Variants in CBARP observed in about 807,000 individuals in gnomAD.
The protein encoded by CBARP is voltage-dependent calcium channel beta subunit-associated regulatory protein.
Under a neutral mutation model 36.3 loss-of-function variants are expected in CBARP, and 24 were observed. The ratio of observed to expected loss-of-function variants is 0.66; its 90% CI spans 0.48 to 0.93. The LOEUF (loss-of-function observed/expected upper bound fraction) is 0.93. Among genes scored for constraint, CBARP ranks in the 40% least tolerant of loss-of-function variants. The pLI, the probability that CBARP is intolerant of heterozygous loss-of-function variation, is 0.00. For missense variants in CBARP, 1,146 were observed against 980.4 expected (o/e 1.17, Z -2.26); for synonymous variants, 586 against 453.2 (o/e 1.29, Z -3.72).
chr19:1,235,627 G>A (rs1041476013), intron 3 of CBARP, 62 bp from the exon 4 acceptor site: 90 of 1,584,688 alleles, frequency 5.7e-5, no homozygotes, highest in Middle Eastern at 1.7e-4. Context: ...AGTGGGTCTC[G>A]GCTCTTTGCC....
In CBARP at chr19:1,234,648, A is replaced by G; in HGVS notation, c.550T>C (p.Cys184Arg). The G allele has an allele frequency of 6.2e-7, 1 of 1,611,416 alleles. No individual in the cohort carries two copies. The highest frequency in any genetic ancestry group is 1.1e-5 in the South Asian group (1 of 90,376). Reference sequence around the variant, plus strand: ...GCTGAGCTGGCCTCGCCTGAGTCACACTCGTGGATGGTGACAATCTTGAGG... The same window carrying G: ...GCTGAGCTGGCCTCGCCTGAGTCACGCTCGTGGATGGTGACAATCTTGAGG... ...PPLKIVTIHECDSGEASSATT... is the reference protein window; with the variant it reads ...PPLKIVTIHERDSGEASSATT... Residue 184 changes from cysteine to arginine, a missense_variant, in exon 6 of 10, where the codon TGT becomes CGT. Cys to Arg is a radical substitution (Grantham distance 180). Coordinates refer to ENST00000650044, the MANE Select transcript of CBARP (RefSeq NM_001393918.1).
intron 1 of CBARP, among the ~76,000 whole-genome samples, chr19:1,236,732 G>A (rs953016023): frequency 2.6e-5 from 4 of 151,794 alleles, no homozygotes; most frequent in Admixed American, 6.6e-5. Flanking sequence ...AAGGGACAAA[G>A]AAGGCGCATC....
chr19:1,230,328 A>G (rs1358505803), intron 9 of CBARP, 186 bp from the exon 10 acceptor site: 1 of 986,348 alleles, frequency 1.0e-6, no homozygotes, highest in Non-Finnish European at 1.2e-6. Flanking sequence ...ATTGACCCTG[A>G]GCTGTGGCGC....
Position 1,234,212 on chromosome 19 carries a change from G to A in CBARP, c.747C>T (p.Ser249=), listed in dbSNP as rs750354718. 3.3e-6 allele frequency: 5 copies of A among 1,522,064 alleles called. No individual in the cohort carries two copies. Among genetic ancestry groups the A allele is most frequent in the East Asian group, 2.4e-5 (1 of 41,734 alleles). The allele number at this position is 1,522,064 out of a possible 1,614,324, so 94.3% of individuals were successfully genotyped here. A position where few individuals can be genotyped will look rare whatever the true frequency, so the allele number is the denominator to read the frequency against. ...TCACCGAGGTGCCTTCCCCAGAGTCGCTAGATGCCGAGGGGCTGATCTCTG... is the reference window on the plus strand; with the variant it reads ...TCACCGAGGTGCCTTCCCCAGAGTCACTAGATGCCGAGGGGCTGATCTCTG... ...DFAEISPSAS[S]DSGEGTSLDA... The change falls in exon 7 of 10, where the codon AGC becomes AGT. Residue 249 remains serine, a synonymous_variant. Transcript: ENST00000650044.
chr19:1,235,125 C>T lies in CBARP; in HGVS notation c.331G>A (p.Asp111Asn). The T allele has an allele frequency of 1.9e-6, 3 of 1,595,718 alleles. No individual in the cohort carries two copies. Among genetic ancestry groups the T allele is most frequent in the South Asian group, 1.1e-5 (1 of 88,592 alleles). The change falls in exon 5 of 10, where the codon GAC (aspartate) becomes AAC (asparagine). Residue 111 changes from aspartate (D) to asparagine (N), a missense_variant. Physicochemically the swap from Asp to Asn is conservative, Grantham distance 23 (BLOSUM62 1). Coordinates refer to ENST00000650044, the MANE Select transcript of CBARP (RefSeq NM_001393918.1). Reference protein sequence around the residue: ...PAQDPDFRGEDPECQDAETER... With the variant: ...PAQDPDFRGENPECQDAETER... ...GTCTCCGCATCCTGGCACTCGGGGT[C>T]CTCTCCCCGGAAGTCGGGGTCTGCG...
rs935462074 is a variant in CBARP, at chr19:1,229,027, G to A, written c.*152C>T. On this transcript the variant is annotated 3_prime_UTR_variant, in exon 10 of 10. Coordinates refer to ENST00000650044, the MANE Select transcript of CBARP (RefSeq NM_001393918.1). The surrounding 1 kb of genome is among the most constrained non-coding windows in gnomAD (Gnocchi z 5.1). ...GGCTCTGCGCCTGCGCCCTGAAGCG[G>A]CGAGCGCGCCTCCGTCGCCCGGCGC... 6.0e-6 allele frequency: 1 copy of A among 166,136 alleles called. No homozygotes were observed. The highest frequency in any genetic ancestry group is 2.4e-5 in the African/African-American group (1 of 41,258). 10.3% of individuals were successfully genotyped at this position (166,136 alleles called of 1,614,324 possible).
chr19:1,235,359 CAG>C (rs1451855270), intron 4 of CBARP, 140 bp downstream of exon 4: 8 of 1,119,144 alleles, frequency 7.1e-6, no homozygotes, highest in South Asian at 1.7e-5. Context: ...GTTAAGGAAA[CAG>C]AGATGAGTCG....
At chr19:1,236,201 T>C in intron 1 of CBARP, 80 bp from the exon 2 acceptor site, 1 of 1,343,298 alleles carries the variant, frequency 7.4e-7, no homozygotes, top group Non-Finnish European at 9.5e-7. Flanking sequence ...GGGTCTTCCC[T>C]GCAGGAGCAG....
rs1007112777 is a variant in CBARP at position 1,229,405 on chromosome 19, A to T, written c.1892T>A (p.Leu631Gln). The change falls in exon 10 of 10, where the codon CTG (leucine) becomes CAG (glutamine). Residue 631 changes from leucine to glutamine, a missense_variant. Leu to Gln is a moderately radical substitution (Grantham distance 113). Transcript: ENST00000650044. This position sits in a 1 kb window ranked among gnomAD's most constrained non-coding sequence, Gnocchi z 5.1. Reference sequence around the variant, plus strand: ...GGCGGGGTCGTCGCCGGCGCCGCCCAGGGTGCGACCGTCGGGCGGGCCGTC... The same window carrying T: ...GGCGGGGTCGTCGCCGGCGCCGCCCTGGGTGCGACCGTCGGGCGGGCCGTC... ...SVDGPPDGRT[L>Q]GGAGDDPAIP... 2.1e-5 allele frequency: 22 copies of T among 1,053,244 alleles called. No individual in the cohort carries two copies. The highest frequency in any genetic ancestry group is 2.5e-5 in the Non-Finnish European group (22 of 866,098). 65.2% of individuals were successfully genotyped at this position (1,053,244 alleles called of 1,614,324 possible). A position where few individuals can be genotyped will look rare whatever the true frequency, so the allele number is the denominator to read the frequency against.
intron 1 of CBARP, 89 bp from the exon 2 acceptor site, chr19:1,236,210 A>AGGAGCC: frequency 1.5e-6 from 2 of 1,338,604 alleles, no homozygotes; most frequent in Non-Finnish European, 1.9e-6. Context: ...CTGCAGGAGC[A>AGGAGCC]GGAGCCCACA....
intron 8 of CBARP, 114 bp from the exon 9 acceptor site, chr19:1,231,389 CCA>C: frequency 7.2e-7 from 1 of 1,383,690 alleles, no homozygotes; most frequent in Non-Finnish European, 9.5e-7. Flanking sequence ...TGCCCCCCCG[CCA>C]CACACAACGC....
chr19:1,229,317 T>C lies in CBARP; in HGVS notation c.1980A>G (p.Leu660=). The change falls in exon 10 of 10, where the codon CTA becomes CTG. Residue 660 remains leucine (L), a synonymous_variant. Coordinates refer to ENST00000650044, the MANE Select transcript of CBARP (RefSeq NM_001393918.1). The surrounding 1 kb of genome is among the most constrained non-coding windows in gnomAD (Gnocchi z 5.1). The part of the protein sequence containing the change: ...GGCPGSGLCV[L]PSGSVLDKLA... ...GCTTGTCCAGCACCGACCCGGATGG[T>C]AGGACGCACAGGCCCGAGCCGGGGC... 8.0e-7 allele frequency: 1 copy of C among 1,250,612 alleles called. No homozygotes were observed. Among genetic ancestry groups the C allele is most frequent in the Non-Finnish European group, 1.0e-6 (1 of 973,880 alleles). The allele number at this position is 1,250,612 out of a possible 1,614,324, so 77.5% of individuals were successfully genotyped here. A position where few individuals can be genotyped will look rare whatever the true frequency, so the allele number is the denominator to read the frequency against.
upstream of CBARP, chr19:1,238,262 G>GC (rs2081003229): frequency 6.6e-6 from 1 of 152,314 alleles, no homozygotes; most frequent in Non-Finnish European, 1.5e-5. Flanking sequence ...GGGGTCCGGG[G>GC]GGGCACGGAC....
chr19:1,230,045 C>A lies in CBARP; in HGVS notation c.1252G>T (p.Glu418Ter). The change falls in exon 10 of 10, where the codon GAG (glutamate) becomes TAG (stop). Residue 418 changes from glutamate to a stop codon, truncating the protein, a stop_gained. Coordinates refer to ENST00000650044, the MANE Select transcript of CBARP (RefSeq NM_001393918.1). LOFTEE classifies it low-confidence loss of function (END_TRUNC). ...AGPEQQQPPLEPDAERDAGPE... is the reference protein window; with the variant it reads ...AGPEQQQPPL Reference sequence around the variant, plus strand: ...CCCGCGTCCCGCTCGGCGTCCGGCTCCAGTGGCGGCTGCTGCTGCTCAGGC... The same window carrying A: ...CCCGCGTCCCGCTCGGCGTCCGGCTACAGTGGCGGCTGCTGCTGCTCAGGC... The A allele has an allele frequency of 8.2e-7, 1 of 1,216,082 alleles. No homozygotes were observed. Among genetic ancestry groups the A allele is most frequent in the East Asian group, 9.3e-5 (1 of 10,772 alleles). 75.3% of individuals were successfully genotyped at this position (1,216,082 alleles called of 1,614,324 possible). A position where few individuals can be genotyped will look rare whatever the true frequency, so the allele number is the denominator to read the frequency against.
At position 1,234,185 on chromosome 19, in the gene CBARP, C is replaced by T. The variant is rs1264907464; in HGVS notation, c.768+6G>A. ...GACACCATGGGGGACACGCAGGGGCCCTCACCGAGGTGCCTTCCCCAGAGT... is the reference window on the plus strand; with the variant it reads ...GACACCATGGGGGACACGCAGGGGCTCTCACCGAGGTGCCTTCCCCAGAGT... On this transcript the variant is annotated splice_donor_region_variant and intron_variant, in intron 7 of 9. Coordinates refer to ENST00000650044, the MANE Select transcript of CBARP (RefSeq NM_001393918.1). 6.6e-7 allele frequency: 1 copy of T among 1,513,300 alleles called. No homozygotes were observed. The highest frequency in any genetic ancestry group is 2.4e-5 in the Admixed American group (1 of 42,270). The allele number at this position is 1,513,300 out of a possible 1,614,324, so 93.7% of individuals were successfully genotyped here.
At position 1,228,326 on chromosome 19, in the gene CBARP, C is replaced by T. The variant is rs1267044881; in HGVS notation, c.*853G>A. On this transcript the variant is annotated 3_prime_UTR_variant, in exon 10 of 10. Coordinates refer to ENST00000650044, the MANE Select transcript of CBARP (RefSeq NM_001393918.1). ...TTATATCATCCAGAAAAGAAAAACACGAGAAACGCCATCGCGGGATGGTGC... is the reference window on the plus strand; with the variant it reads ...TTATATCATCCAGAAAAGAAAAACATGAGAAACGCCATCGCGGGATGGTGC... 1.6e-5 allele frequency: 4 copies of T among 256,048 alleles called. No individual in the cohort carries two copies. Among genetic ancestry groups the T allele is most frequent in the African/African-American group, 6.6e-5 (3 of 45,648 alleles). 15.9% of individuals were successfully genotyped at this position (256,048 alleles called of 1,614,324 possible). A position where few individuals can be genotyped will look rare whatever the true frequency, so the allele number is the denominator to read the frequency against.
rs1032566986 is a variant in CBARP, at chr19:1,228,848, G to A, written c.*331C>T. The A allele has an allele frequency of 6.8e-6, 1 of 147,680 alleles. No individual in the cohort carries two copies. Among genetic ancestry groups the A allele is most frequent in the African/African-American group, 2.4e-5 (1 of 41,048 alleles). The allele number at this position is 147,680 out of a possible 1,614,324, so 9.1% of individuals were successfully genotyped here. A position where few individuals can be genotyped will look rare whatever the true frequency, so the allele number is the denominator to read the frequency against. On this transcript the variant is annotated 3_prime_UTR_variant, in exon 10 of 10. Transcript: ENST00000650044. Reference sequence around the variant, plus strand: ...CCGCCCCGTCCGGGACTGAGGGCGAGTGATCGTTGTCCTCAGGAGCCCGAA... The same window carrying A: ...CCGCCCCGTCCGGGACTGAGGGCGAATGATCGTTGTCCTCAGGAGCCCGAA...
chr19:1,235,664 G>C, intron 3 of CBARP, 99 bp from the exon 4 acceptor site: 1 of 1,588,136 alleles, frequency 6.3e-7, no homozygotes, highest in South Asian at 1.1e-5. Flanking sequence ...GCATCACCCA[G>C]TCTCCAGAGG....
intron 9 of CBARP, chr19:1,230,536 C>T: frequency 2.5e-5 from 26 of 1,049,540 alleles, no homozygotes; most frequent in Non-Finnish European, 2.8e-5. Flanking sequence ...GGGCTCTCTG[C>T]CCACCCATGC....
Sources: allele counts gnomAD v4.1 joint callset (sites outside exome capture counted in the v4.1 genomes callset), GRCh38; gene constraint gnomAD v4.1.1; non-coding constraint Gnocchi (gnomAD v3.1); transcripts MANE v1.5; gene names NCBI Gene and HGNC (gene_info 2026-07-23, HGNC 2026-07-21).